CSMD1: variants seen among roughly 807,000 people sequenced by gnomAD.
CSMD1 encodes the protein CUB and Sushi multiple domains 1.
In CSMD1, 213 loss-of-function variants were observed where a neutral mutation model predicts 417.5. The observed-to-expected ratio is 0.51, with a 90% CI of 0.46 to 0.57. The LOEUF (loss-of-function observed/expected upper bound fraction) is 0.57. Among genes scored for constraint, CSMD1 ranks in the 20% least tolerant of loss-of-function variants. The probability of loss-of-function intolerance (pLI) is 0.00; values close to 1 mark genes in which losing one functional copy is unlikely to be tolerated. For synonymous variants in CSMD1, 2,862 were observed against 1,736.8 expected (o/e 1.65, Z -16.11); for missense variants, 6,923 against 4,529.7 (o/e 1.53, Z -15.17).
At chr8:4,231,509 T>G (rs1240888735) in intron 3 of CSMD1, among the ~76,000 whole-genome samples, 3 of 93,814 alleles carry the variant, frequency 3.2e-5, no homozygotes, top group Non-Finnish European at 4.2e-5. Flanking sequence ...TTAGGAGACA[T>G]AAGAAAGGTC....
At chr8:4,570,786 T>G (rs557487989) in intron 2 of CSMD1, among the ~76,000 whole-genome samples, 3 of 152,268 alleles carry the variant, frequency 2.0e-5, no homozygotes, top group South Asian at 4.1e-4. Flanking sequence ...CTTTTATTGT[T>G]TGGTAGGCTA....
At chr8:3,223,575 A>C (rs1208220209) in intron 28 of CSMD1, among the ~76,000 whole-genome samples, 154 bp downstream of exon 28, 1 of 152,200 alleles carries the variant, frequency 6.6e-6, no homozygotes, top group African/African-American at 2.4e-5. Context: ...ATTTCCATTT[A>C]TGTCATTTTG....
intron 2 of CSMD1, among the ~76,000 whole-genome samples, chr8:4,471,837 C>A: frequency 6.6e-6 from 1 of 151,972 alleles, no homozygotes; most frequent in East Asian, 1.9e-4. Flanking sequence ...GACTACGCTG[C>A]AAGGAAGGTG....
chr8:4,352,699 C>G (rs558809498), intron 3 of CSMD1, among the ~76,000 whole-genome samples: 59 of 152,290 alleles, frequency 3.9e-4, no homozygotes, highest in African/African-American at 1.3e-3. Flanking sequence ...TTAAGTTTTA[C>G]TTTCAAGAAC....
At chr8:4,991,375 G>A (rs1374554666) in intron 1 of CSMD1, among the ~76,000 whole-genome samples, 2 of 152,206 alleles carry the variant, frequency 1.3e-5, no homozygotes, top group East Asian at 1.9e-4. Flanking sequence ...ACGCTTTATT[G>A]AAGAGTACAG....
Position 4,234,031 on chromosome 8 carries a change from T to C in CSMD1, c.415+185922A>G, listed in dbSNP as rs1013499459. Among the ~76,000 whole-genome samples, 3 of 151,650 alleles carry C rather than the reference T, an allele frequency of 2.0e-5. No individual in the cohort carries two copies. The East Asian group carries it at 5.8e-4, about 29-fold the overall frequency. On this transcript the variant is annotated intron_variant, in intron 3 of 69. Coordinates refer to ENST00000635120, the MANE Select transcript of CSMD1 (RefSeq NM_033225.6). ...AGAGGTTCTGGCATCTGGTTAAGAG[T>C]CTACCATCAGCCAGTGAAACAGATA... is the stretch of plus-strand genomic sequence containing the variant.
intron 3 of CSMD1, among the ~76,000 whole-genome samples, chr8:4,360,952 C>T (rs542022887): frequency 1.3e-5 from 2 of 152,210 alleles, no homozygotes; most frequent in South Asian, 2.1e-4. Flanking sequence ...TTTCATGGGA[C>T]TTGAGGAATA....
intron 26 of CSMD1, among the ~76,000 whole-genome samples, chr8:3,276,119 A>C (rs149083380): frequency 0.28 from 41,798 of 151,796 alleles, 5,966 homozygotes; most frequent in African/African-American, 0.34. Context: ...TGTGGATGTC[A>C]TTTCTGTTTG....
chr8:4,590,463 C>T (rs939304334), intron 2 of CSMD1, among the ~76,000 whole-genome samples: 9 of 152,034 alleles, frequency 5.9e-5, no homozygotes, highest in African/African-American at 9.7e-5. Context: ...TAAGATTGTT[C>T]TGGTATGTAG....
intron 3 of CSMD1, among the ~76,000 whole-genome samples, chr8:4,116,749 G>T (rs1467159637): frequency 4.6e-5 from 7 of 152,188 alleles, no homozygotes; most frequent in Non-Finnish European, 7.3e-5. Flanking sequence ...GCTACGTGGA[G>T]AGGCAGGGGG....
In CSMD1 at chr8:3,816,425, T is replaced by C. The variant is rs559736262; in HGVS notation, c.819-62383A>G. The stretch of plus-strand genomic sequence containing the variant: ...GACCACATTCACATAACTTTTATTA[T>C]TGTATATAGTTATCATTGTTCTATT... On this transcript the variant is annotated intron_variant, in intron 5 of 69. Transcript: ENST00000635120. Among the ~76,000 whole-genome samples, 19 of 152,334 alleles carry C rather than the reference T, an allele frequency of 1.2e-4. No homozygotes were observed. In the East Asian group the frequency reaches 3.7e-3, roughly 29 times the overall value.
At chr8:4,544,089 T>G (rs972434555) in intron 2 of CSMD1, among the ~76,000 whole-genome samples, 30 of 152,324 alleles carry the variant, frequency 2.0e-4, no homozygotes, top group African/African-American at 7.2e-4. Flanking sequence ...TTTTATTCTT[T>G]TAACATTGTC....
At chr8:4,941,030 A>G (rs989947324) in intron 1 of CSMD1, among the ~76,000 whole-genome samples, 1 of 152,116 alleles carries the variant, frequency 6.6e-6, no homozygotes, top group South Asian at 2.1e-4. Context: ...AACAATCTAC[A>G]CTTTTCATTT....
At chr8:4,040,817 T>G (rs1261250431) in intron 3 of CSMD1, among the ~76,000 whole-genome samples, 2 of 152,062 alleles carry the variant, frequency 1.3e-5, no homozygotes, top group Non-Finnish European at 2.9e-5. Context: ...TAATAGCACG[T>G]GAAAGACTTT....
chr8:4,964,171 TAAGAG>T (rs1809694717), intron 1 of CSMD1, among the ~76,000 whole-genome samples: 1 of 151,880 alleles, frequency 6.6e-6, no homozygotes, highest in South Asian at 2.1e-4. Flanking sequence ...AAGGAGGAGA[TAAGAG>T]AAAAGGGAAA....
At chr8:4,807,955 T>A (rs1798685029) in intron 1 of CSMD1, among the ~76,000 whole-genome samples, 1 of 152,216 alleles carries the variant, frequency 6.6e-6, no homozygotes, top group Admixed American at 6.5e-5. Context: ...CCACCCTCAG[T>A]AGGAGTTCAC....
intron 3 of CSMD1, among the ~76,000 whole-genome samples, chr8:4,317,360 A>C (rs113411324): frequency 5.4e-4 from 83 of 152,318 alleles, no homozygotes; most frequent in African/African-American, 1.9e-3. Context: ...CGTCTGTGTT[A>C]TAAGCTGTGG....
intron 12 of CSMD1, among the ~76,000 whole-genome samples, chr8:3,433,662 T>C (rs12678039): frequency 0.013 from 2,037 of 152,292 alleles, 51 homozygotes; most frequent in East Asian, 0.095. Flanking sequence ...CCAACATTGG[T>C]GAGATGCTTC....
intron 5 of CSMD1, among the ~76,000 whole-genome samples, chr8:3,754,843 T>C (rs768517972): frequency 5.9e-5 from 9 of 152,080 alleles, no homozygotes; most frequent in Non-Finnish European, 8.8e-5. Flanking sequence ...CAGCATCCCA[T>C]TTGCAGGACT....
Sources: gnomAD v4.1 joint callset for allele counts (sites outside exome capture counted in the v4.1 genomes callset) on GRCh38, gnomAD v4.1.1 for gene constraint, MANE v1.5 for transcripts, NCBI Gene and HGNC (gene_info 2026-07-23, HGNC 2026-07-21) for gene names.